The following CYP2A13 variants were observed in gnomAD, a reference collection of about 807,000 sequenced individuals.
CYP2A13 encodes the protein cytochrome P450 2A13.
A neutral mutation model predicts 39.4 loss-of-function variants in CYP2A13; 30 were observed. The observed-to-expected ratio is 0.76, with a 90% CI of 0.57 to 1.03. The LOEUF (loss-of-function observed/expected upper bound fraction) is 1.03. CYP2A13 is among the 50% of genes least tolerant of loss of function. The pLI, the probability that CYP2A13 is intolerant of heterozygous loss-of-function variation, is 0.00. For synonymous variants in CYP2A13, 269 were observed against 254.7 expected, an observed-to-expected ratio of 1.06 and a Z score of -0.54; for missense variants, 731 against 648.4, an observed-to-expected ratio of 1.13 and a Z score of -1.38.
At position 41,094,383 on chromosome 19, in the gene CYP2A13, C is replaced by A; in HGVS notation, c.1112C>A (p.Ala371Asp). ...RFGDMLPMGL[A>D]HRVNKDTKFR... Reference sequence around the variant, plus strand: ...GGAGACATGCTCCCCATGGGTTTGGCCCACAGGGTCAACAAGGACACCAAG... The same window carrying A: ...GGAGACATGCTCCCCATGGGTTTGGACCACAGGGTCAACAAGGACACCAAG... The change falls in exon 7 of 9, where the codon GCC becomes GAC. Residue 371 changes from alanine (A) to aspartate (D), a missense_variant. Transcript: ENST00000330436. 1 of 1,614,034 alleles carries A rather than the reference C, an allele frequency of 6.2e-7. No homozygotes were observed. Among genetic ancestry groups the A allele is most frequent in the Non-Finnish European group, 8.5e-7 (1 of 1,179,988 alleles).
rs3745284 is a variant in CYP2A13 at position 41,096,042 on chromosome 19, G to T, written c.*101G>T. 1.1e-5 allele frequency: 15 copies of T among 1,408,634 alleles called. No homozygotes were observed. The highest frequency in any genetic ancestry group is 2.5e-4 in the Middle Eastern group (1 of 4,032). The allele number at this position is 1,408,634 out of a possible 1,614,324, so 87.3% of individuals were successfully genotyped here. ...GGGCGGGGCTAAGAATGGGGGCAGT[G>T]GGGGAAGGAAGGGGAGAGGTGGTTA... On this transcript the variant is annotated 3_prime_UTR_variant, in exon 9 of 9. Transcript: ENST00000330436.
chr19:41,090,634 G>T, intron 4 of CYP2A13, 70 bp downstream of exon 4: 1 of 1,608,012 alleles, frequency 6.2e-7, no homozygotes, highest in Admixed American at 1.7e-5. Flanking sequence ...CTGGAGACAG[G>T]TGCCCCAAAC....
Position 41,096,092 on chromosome 19 carries a change from G to A in CYP2A13, c.*151G>A, listed in dbSNP as rs1211266057. 5.9e-6 allele frequency: 7 copies of A among 1,177,462 alleles called. No individual in the cohort carries two copies. The highest frequency in any genetic ancestry group is 8.3e-6 in the Non-Finnish European group (7 of 840,104). 72.9% of individuals were successfully genotyped at this position (1,177,462 alleles called of 1,614,324 possible). On this transcript the variant is annotated 3_prime_UTR_variant, in exon 9 of 9. Transcript: ENST00000330436. ...AGAGGGAACAGAAGAAACAGAAGGG[G>A]CTCAGTTCACCTTGATGATGTCCTT...
chr19:41,090,466 G>T lies in CYP2A13; in HGVS notation c.556G>T (p.Val186Phe), dbSNP rs747851332. 16 of 1,614,020 alleles carry T rather than the reference G, an allele frequency of 9.9e-6. No individual in the cohort carries two copies. In the South Asian group the frequency reaches 1.8e-4, roughly 18 times the overall value. The change falls in exon 4 of 9, where the codon GTC becomes TTC. Residue 186 changes from valine (V) to phenylalanine (F), a missense_variant. By Grantham distance (50) the Val-to-Phe change is conservative (BLOSUM62 -1). Coordinates refer to ENST00000330436, the MANE Select transcript of CYP2A13 (RefSeq NM_000766.5). ...AGTCTCCAATGTCATCAGCTCCATT[G>T]TCTTTGGGGACCGCTTTGACTATGA... is the stretch of plus-strand genomic sequence containing the variant. The part of the protein sequence containing the change: ...RTVSNVISSI[V>F]FGDRFDYEDK...
In CYP2A13 at chr19:41,095,987, C is replaced by T. The variant is rs750519346; in HGVS notation, c.*46C>T. ...GGGCTGGTGGGCGGGGCCAGGGAAA[C>T]GGCCGGGGCAGGGGCGGGGCTTGTG... On this transcript the variant is annotated 3_prime_UTR_variant, in exon 9 of 9. Coordinates refer to ENST00000330436, the MANE Select transcript of CYP2A13 (RefSeq NM_000766.5). The T allele has an allele frequency of 1.2e-5, 7 of 589,158 alleles. No individual in the cohort carries two copies. Among genetic ancestry groups the T allele is most frequent in the Non-Finnish European group, 1.7e-5 (7 of 416,706 alleles). 36.5% of individuals were successfully genotyped at this position (589,158 alleles called of 1,614,324 possible).
intron 4 of CYP2A13, 126 bp downstream of exon 4, chr19:41,090,690 A>G (rs536512479): frequency 7.6e-6 from 11 of 1,444,556 alleles, no homozygotes; most frequent in Middle Eastern, 2.2e-4. Flanking sequence ...AGTCCCCGAT[A>G]TTGGACAACT....
In CYP2A13 at chr19:41,091,761, A is replaced by T; in HGVS notation, c.684A>T (p.Lys228Asn). ...ATGAGATGTTCTCTTCGGTGATGAA[A>T]CACCTGCCAGGACCACAGCAACAGG... ...QLYEMFSSVMKHLPGPQQQAF... is the reference protein window; with the variant it reads ...QLYEMFSSVMNHLPGPQQQAF... Residue 228 changes from lysine (K) to asparagine (N), a missense_variant, in exon 5 of 9, where the codon AAA becomes AAT. Transcript: ENST00000330436. 6.2e-7 allele frequency: 1 copy of T among 1,613,870 alleles called. No homozygotes were observed. The highest frequency in any genetic ancestry group is 8.5e-7 in the Non-Finnish European group (1 of 1,179,842).
In CYP2A13 at chr19:41,091,865, C is replaced by T; in HGVS notation, c.788C>T (p.Ser263Phe). ...AACCAGCGCACGCTGGATCCCAATT[C>T]CCCACGGGACTTCATCGACTCCTTT... Reference protein sequence around the residue: ...EHNQRTLDPNSPRDFIDSFLI... With the variant: ...EHNQRTLDPNFPRDFIDSFLI... The change falls in exon 5 of 9, where the codon TCC (serine) becomes TTC (phenylalanine). Residue 263 changes from serine to phenylalanine, a missense_variant. Transcript: ENST00000330436. 1 of 1,614,226 alleles carries T rather than the reference C, an allele frequency of 6.2e-7. No homozygotes were observed. The highest frequency in any genetic ancestry group is 1.1e-5 in the South Asian group (1 of 91,088).
intron 5 of CYP2A13, 62 bp downstream of exon 5, chr19:41,091,970 G>A (rs2031200383): frequency 2.5e-6 from 4 of 1,598,160 alleles, no homozygotes; most frequent in Non-Finnish European, 3.4e-6. Flanking sequence ...CAGGATGGGA[G>A]TGGGGTGGGC....
chr19:41,089,167 T>C, intron 2 of CYP2A13, 76 bp downstream of exon 2: 3 of 1,592,854 alleles, frequency 1.9e-6, no homozygotes, highest in Non-Finnish European at 2.6e-6. Flanking sequence ...TCTCCCTGAC[T>C]CTCCTGCCCA....
In CYP2A13 at chr19:41,091,881, C is replaced by T. The variant is rs142884995; in HGVS notation, c.804C>T (p.Ile268=). The T allele has an allele frequency of 5.3e-5, 85 of 1,614,228 alleles. No individual in the cohort carries two copies. The African/African-American group carries it at 8.0e-4, about 15-fold the overall frequency. The change falls in exon 5 of 9, where the codon ATC becomes ATT. Residue 268 remains isoleucine (I), a synonymous_variant. Coordinates refer to ENST00000330436, the MANE Select transcript of CYP2A13 (RefSeq NM_000766.5). ...TLDPNSPRDF[I]DSFLIRMQEE... The stretch of plus-strand genomic sequence containing the variant: ...ATCCCAATTCCCCACGGGACTTCAT[C>T]GACTCCTTTCTCATCCGCATGCAGG...
intron 6 of CYP2A13, among the ~76,000 whole-genome samples, chr19:41,093,984 C>A (rs1316489194): frequency 6.6e-6 from 1 of 152,088 alleles, no homozygotes; most frequent in Non-Finnish European, 1.5e-5. Flanking sequence ...TCACTCCTGT[C>A]CCAAGCCCAC....
In CYP2A13 at chr19:41,090,395, C is replaced by A. The variant is rs1376382679; in HGVS notation, c.494-9C>A. The A allele has an allele frequency of 1.2e-6, 2 of 1,613,944 alleles. No homozygotes were observed. The highest frequency in any genetic ancestry group is 2.2e-5 in the South Asian group (2 of 91,078). On this transcript the variant is annotated splice_polypyrimidine_tract_variant and intron_variant, in intron 3 of 8. Transcript: ENST00000330436. ...TCTCCCCAACCCCCTTCTCCCGCCA[C>A]ACCTGCAGGCGCCAATATCGATCCC...
At position 41,094,507 on chromosome 19, in the gene CYP2A13, C is replaced by A. The variant is rs536332716; in HGVS notation, c.1161+75C>A. 329 of 1,547,604 alleles carry A rather than the reference C, an allele frequency of 2.1e-4. 1 individual carries two copies. The African/African-American group carries it at 3.6e-3, about 17-fold the overall frequency. ...CTCTCTCTGTGTCCCCAGAATCCTG[C>A]CCCCATTAGTGTTCTAGACTCTGTC... On this transcript the variant is annotated intron_variant, in intron 7 of 8. Coordinates refer to ENST00000330436, the MANE Select transcript of CYP2A13 (RefSeq NM_000766.5).
At chr19:41,094,686 C>A (rs1403342850) in intron 7 of CYP2A13, among the ~76,000 whole-genome samples, 4 of 152,122 alleles carry the variant, frequency 2.6e-5, no homozygotes, top group Non-Finnish European at 5.9e-5. Flanking sequence ...GAAACAGAAG[C>A]CCCCTTTCCA....
At position 41,090,175 on chromosome 19, in the gene CYP2A13, G is replaced by C. The variant is rs200738334; in HGVS notation, c.472G>C (p.Asp158His). Residue 158 changes from aspartate (D) to histidine (H), a missense_variant, in exon 3 of 9, where the codon GAC (aspartate) becomes CAC (histidine). Transcript: ENST00000330436. ...CCAGGAGGAGGCGGGCTTCCTCATC[G>C]ACGCCCTCCGGGGCACGCACGGTGA... ...RIQEEAGFLI[D>H]ALRGTHGANI... 1.3e-3 allele frequency: 1,998 copies of C among 1,584,546 alleles called. 49 individuals are homozygous for C. In the South Asian group the frequency reaches 0.023, roughly 18 times the overall value.
At position 41,093,747 on chromosome 19, in the gene CYP2A13, C is replaced by T. The variant is rs2031240545; in HGVS notation, c.949C>T (p.Leu317Phe). The T allele has an allele frequency of 6.2e-7, 1 of 1,614,058 alleles. No individual in the cohort carries two copies. The highest frequency in any genetic ancestry group is 8.5e-7 in the Non-Finnish European group (1 of 1,180,020). Reference sequence around the variant, plus strand: ...CACCCTGCGCTACGGTTTCCTGCTGCTCATGAAGCACCCAGAGGTGGAGGG... The same window carrying T: ...CACCCTGCGCTACGGTTTCCTGCTGTTCATGAAGCACCCAGAGGTGGAGGG... Reference protein sequence around the residue: ...STTLRYGFLLLMKHPEVEAKV... With the variant: ...STTLRYGFLLFMKHPEVEAKV... Residue 317 changes from leucine (L) to phenylalanine (F), a missense_variant, in exon 6 of 9, where the codon CTC becomes TTC. Physicochemically the swap from Leu to Phe is conservative, Grantham distance 22. Coordinates refer to ENST00000330436, the MANE Select transcript of CYP2A13 (RefSeq NM_000766.5).
chr19:41,089,501 G>T (rs1211318880), intron 2 of CYP2A13, among the ~76,000 whole-genome samples: 1 of 152,024 alleles, frequency 6.6e-6, no homozygotes, highest in African/African-American at 2.4e-5. Flanking sequence ...TAGGATTTCA[G>T]GGTATTCCTA....
Position 41,095,942 on chromosome 19 carries a change from G to A in CYP2A13, c.*1G>A, listed in dbSNP as rs1275418882. On this transcript the variant is annotated 3_prime_UTR_variant, in exon 9 of 9. Transcript: ENST00000330436. ...CACCATGAGCTTCCTGCCCCGCTGA[G>A]CGAGGGCTGTGCTGGTGCAGGGCTG... 1.2e-6 allele frequency: 2 copies of A among 1,613,760 alleles called. No individual in the cohort carries two copies. Among genetic ancestry groups the A allele is most frequent in the Non-Finnish European group, 1.7e-6 (2 of 1,179,852 alleles).
Sources: gnomAD v4.1 joint callset for allele counts (sites outside exome capture counted in the v4.1 genomes callset) on GRCh38, gnomAD v4.1.1 for gene constraint, MANE v1.5 for transcripts, NCBI Gene and HGNC (gene_info 2026-07-23, HGNC 2026-07-21) for gene names.